The following TRAK1 variants were observed in gnomAD, a reference collection of about 807,000 sequenced individuals.
TRAK1 encodes the protein trafficking kinesin-binding protein 1.
In TRAK1, 33 loss-of-function variants were observed where a neutral mutation model predicts 92.1. The ratio of observed to expected loss-of-function variants is 0.36; its 90% CI spans 0.27 to 0.48. The LOEUF is 0.48. Among genes scored for constraint, TRAK1 ranks in the 20% least tolerant of loss-of-function variants. The pLI, the probability that TRAK1 is intolerant of heterozygous loss-of-function variation, is 0.99. For missense variants in TRAK1, 1,123 were observed against 1,257.9 expected, an observed-to-expected ratio of 0.89 and a Z score of 1.62; for synonymous variants, 521 against 517.3, an observed-to-expected ratio of 1.01 and a Z score of -0.10.
Position 42,134,799 on chromosome 3 carries a change from T to C in TRAK1, c.286+9185T>C, listed in dbSNP as rs1697725363. Among the ~76,000 whole-genome samples the C allele has an allele frequency of 2.6e-5, 4 of 150,976 alleles. 1 individual carries two copies. In the South Asian group the frequency reaches 8.4e-4, roughly 32 times the overall value. On this transcript the variant is annotated intron_variant, in intron 2 of 15. Coordinates refer to ENST00000327628, the MANE Select transcript of TRAK1 (RefSeq NM_001042646.3). ...TTTCACTGTGTTAGCCAGGATGGTCTCGATCTCCTGACCTCGTGATCCACC... is the reference window on the plus strand; with the variant it reads ...TTTCACTGTGTTAGCCAGGATGGTCCCGATCTCCTGACCTCGTGATCCACC...
upstream of TRAK1, among the ~76,000 whole-genome samples, chr3:42,085,733 G>A (rs1174581521): frequency 1.3e-5 from 2 of 152,114 alleles, no homozygotes; most frequent in Non-Finnish European, 2.9e-5. Context: ...TTTTTTGTGG[G>A]TGTGGTCTCA....
chr3:42,197,643 C>T (rs1706941943), intron 10 of TRAK1, among the ~76,000 whole-genome samples: 1 of 152,226 alleles, frequency 6.6e-6, no homozygotes, highest in Non-Finnish European at 1.5e-5. Context: ...ATGTCAGACT[C>T]ACCTAGGGAA....
At chr3:42,203,022 T>C (rs1210683657) in intron 13 of TRAK1, 31 of 1,257,340 alleles carry the variant, frequency 2.5e-5, no homozygotes, top group Non-Finnish European at 3.1e-5. Flanking sequence ...TTCTAGTTCT[T>C]TCCTTTGCCT....
chr3:42,193,962 G>A, intron 9 of TRAK1, 64 bp downstream of exon 9: 4 of 1,468,932 alleles, frequency 2.7e-6, no homozygotes, highest in South Asian at 1.2e-5. Flanking sequence ...TAGCCTTCCC[G>A]GACAGCTTTA....
chr3:42,203,215 A>G (rs904001018), intron 13 of TRAK1: 2 of 1,089,310 alleles, frequency 1.8e-6, no homozygotes, highest in African/African-American at 1.6e-5. Context: ...TTTTTTCCCC[A>G]TAACCACCTG....
At chr3:42,016,187 A>G (rs1472531767) in intron 1 of TRAK1, among the ~76,000 whole-genome samples, 1 of 151,794 alleles carries the variant, frequency 6.6e-6, no homozygotes, top group Non-Finnish European at 1.5e-5. Context: ...TGTTCCTGTC[A>G]TTGCATTCTG....
chr3:42,031,259 G>A (rs1265612365), intron 1 of TRAK1, among the ~76,000 whole-genome samples: 4 of 151,478 alleles, frequency 2.6e-5, no homozygotes, highest in Admixed American at 6.6e-5. Flanking sequence ...GGCTGGTCTC[G>A]AACGCCTGAC....
intron 1 of TRAK1, among the ~76,000 whole-genome samples, chr3:42,074,507 A>G (rs1172003346): frequency 6.6e-6 from 1 of 152,194 alleles, no homozygotes; most frequent in Admixed American, 6.5e-5. Context: ...CTGGCCACAG[A>G]TGAGAGACAA....
At chr3:42,165,032 C>G (rs1347508255) in intron 2 of TRAK1, among the ~76,000 whole-genome samples, 1 of 152,088 alleles carries the variant, frequency 6.6e-6, no homozygotes, top group African/African-American at 2.4e-5. Flanking sequence ...AATTTCTTCT[C>G]ATCAGGTTAC....
Position 42,219,540 on chromosome 3 carries a change from C to T in TRAK1, c.2010C>T (p.Thr670=), listed in dbSNP as rs778332654. The T allele has an allele frequency of 6.2e-6, 10 of 1,612,564 alleles. No homozygotes were observed. The highest frequency in any genetic ancestry group is 1.7e-4 in the Middle Eastern group (1 of 6,052). The change falls in exon 15 of 16, where the codon ACC becomes ACT. Residue 670 remains threonine (T), a synonymous_variant. Coordinates refer to ENST00000327628, the MANE Select transcript of TRAK1 (RefSeq NM_001042646.3). ...TGTCTCAGACCAACTCCACCTTCAC[C>T]TTCACCACCTGTCGCATCCTGCATC... ...KCMSQTNSTF[T]FTTCRILHPS...
chr3:42,159,045 AT>A (rs1235090358), intron 2 of TRAK1, among the ~76,000 whole-genome samples: 2 of 151,520 alleles, frequency 1.3e-5, no homozygotes, highest in Non-Finnish European at 2.9e-5. Context: ...TAAAATCTTT[AT>A]TATCTCTGGT....
At chr3:42,020,320 TC>T (rs1559701407) in intron 1 of TRAK1, among the ~76,000 whole-genome samples, 1 of 152,250 alleles carries the variant, frequency 6.6e-6, no homozygotes, top group Non-Finnish European at 1.5e-5. Flanking sequence ...TGCCAGTAAC[TC>T]CTTGTAGATA....
At chr3:42,106,917 T>C (rs1185693007) in intron 1 of TRAK1, among the ~76,000 whole-genome samples, 1 of 152,236 alleles carries the variant, frequency 6.6e-6, no homozygotes, top group East Asian at 1.9e-4. Context: ...ATAAAACAGA[T>C]GAATGCATTG....
intron 7 of TRAK1, among the ~76,000 whole-genome samples, chr3:42,192,806 T>G (rs1299113983): frequency 1.3e-5 from 2 of 152,158 alleles, no homozygotes; most frequent in African/African-American, 4.8e-5. Flanking sequence ...ACAGCCTTGG[T>G]TGGTGGGCTT....
chr3:42,127,948 G>A (rs1710802649), intron 2 of TRAK1, among the ~76,000 whole-genome samples: 1 of 152,150 alleles, frequency 6.6e-6, no homozygotes, highest in African/African-American at 2.4e-5. Context: ...GGAGGCCGAG[G>A]CGGGTGAATC....
intron 1 of TRAK1, among the ~76,000 whole-genome samples, chr3:42,109,970 G>A (rs544992767): frequency 1.8e-4 from 27 of 151,402 alleles, no homozygotes; most frequent in South Asian, 4.2e-4. Flanking sequence ...GGGTGGCGGG[G>A]GGGATGGCAT....
chr3:42,024,271 C>A (rs917647518), intron 1 of TRAK1, among the ~76,000 whole-genome samples: 3 of 152,124 alleles, frequency 2.0e-5, no homozygotes, highest in Admixed American at 2.0e-4. Flanking sequence ...GTAGGGTTCA[C>A]AGGGTTACTC....
At chr3:42,065,244 T>C (rs1346921159) in intron 1 of TRAK1, among the ~76,000 whole-genome samples, 2 of 152,104 alleles carry the variant, frequency 1.3e-5, no homozygotes, top group Admixed American at 1.3e-4. Context: ...AGAGCGAGAC[T>C]CCCATCTCAA....
chr3:42,098,300 G>A (rs1281315863), intron 1 of TRAK1, among the ~76,000 whole-genome samples: 5 of 152,098 alleles, frequency 3.3e-5, no homozygotes, highest in Non-Finnish European at 4.4e-5. Flanking sequence ...ATTCAGTAGA[G>A]CTTCTTAAGT....
Sources: allele counts gnomAD v4.1 joint callset (sites outside exome capture counted in the v4.1 genomes callset), GRCh38; gene constraint gnomAD v4.1.1; transcripts MANE v1.5; gene names NCBI Gene and HGNC (gene_info 2026-07-23, HGNC 2026-07-21).